SDK1: variants seen among roughly 807,000 people sequenced by gnomAD.
SDK1 encodes the protein protein sidekick-1.
SDK1 carries 157 observed loss-of-function variants against 245.5 expected under a neutral mutation model. The observed-to-expected ratio is 0.64, with a 90% confidence interval of 0.56 to 0.73. SDK1 has a LOEUF of 0.73. Ranked by LOEUF, SDK1 falls within the 30% of genes least tolerant of loss-of-function variation. The pLI is 0.00. For missense variants in SDK1, 3,583 were observed against 3,002.3 expected (o/e 1.19, Z -4.52); for synonymous variants, 1,647 against 1,278.5 (o/e 1.29, Z -6.15).
At chr7:4,003,824 G>A (rs893711953) in intron 14 of SDK1, among the ~76,000 whole-genome samples, 1 of 152,362 alleles carries the variant, frequency 6.6e-6, no homozygotes, top group South Asian at 2.1e-4. Context: ...ACAGTCTGTT[G>A]TGGTGGAGGG....
intron 1 of SDK1, among the ~76,000 whole-genome samples, chr7:3,405,248 G>C (rs567934433): frequency 7.8e-4 from 119 of 152,204 alleles, no homozygotes; most frequent in Middle Eastern, 3.4e-3. Flanking sequence ...ATTGGTGGCT[G>C]TATGAGTACT....
chr7:4,234,712 G>A (rs1482483991), intron 41 of SDK1, among the ~76,000 whole-genome samples: 1 of 152,210 alleles, frequency 6.6e-6, no homozygotes, highest in East Asian at 1.9e-4. Flanking sequence ...ACCCCAGACA[G>A]TGACTTCCGT....
At chr7:4,109,195 G>A (rs2128190031) in intron 22 of SDK1, among the ~76,000 whole-genome samples, 2 of 152,304 alleles carry the variant, frequency 1.3e-5, no homozygotes, top group East Asian at 3.9e-4. Context: ...GGGCGGAGTT[G>A]CTGGCTTATG....
chr7:3,338,361 C>T (rs773067810), intron 1 of SDK1: 2 of 511,670 alleles, frequency 3.9e-6, no homozygotes, highest in African/African-American at 2.0e-5. Context: ...CAAACAAGGT[C>T]AGGGCACGAC....
intron 1 of SDK1, among the ~76,000 whole-genome samples, chr7:3,357,419 G>A (rs903541565): frequency 7.8e-6 from 1 of 127,516 alleles, no homozygotes; most frequent in Non-Finnish European, 1.6e-5. Context: ...GTGCGATCAC[G>A]GCTCACTGCA....
intron 4 of SDK1, among the ~76,000 whole-genome samples, chr7:3,778,492 C>A (rs1312780671): frequency 6.6e-6 from 1 of 152,094 alleles, no homozygotes; most frequent in Non-Finnish European, 1.5e-5. Context: ...GCAAATAGAC[C>A]CAGAGAATGT....
At chr7:3,534,155 G>A (rs6947615) in intron 1 of SDK1, among the ~76,000 whole-genome samples, 36,815 of 152,084 alleles carry the variant, frequency 0.24, 4,675 homozygotes, top group East Asian at 0.33. Context: ...TGCAGTATTT[G>A]TTCTCTTTGA....
intron 8 of SDK1, among the ~76,000 whole-genome samples, chr7:3,960,486 G>A (rs928142795): frequency 2.6e-5 from 4 of 152,338 alleles, no homozygotes; most frequent in Admixed American, 2.0e-4. Context: ...TGAAAATGGT[G>A]TGTCACCCTT....
chr7:3,409,882 A>G (rs970542479), intron 1 of SDK1, among the ~76,000 whole-genome samples: 1 of 152,154 alleles, frequency 6.6e-6, no homozygotes, highest in Non-Finnish European at 1.5e-5. Flanking sequence ...ATGAGCGTAT[A>G]TATTTGATGA....
At chr7:3,571,067 T>C (rs1407382546) in intron 1 of SDK1, among the ~76,000 whole-genome samples, 1 of 152,034 alleles carries the variant, frequency 6.6e-6, no homozygotes, top group Admixed American at 6.6e-5. Flanking sequence ...CGGATCTTCA[T>C]GTTGAGATGT....
intron 5 of SDK1, among the ~76,000 whole-genome samples, chr7:3,940,965 C>G (rs1780345401): frequency 6.6e-6 from 1 of 152,060 alleles, no homozygotes; most frequent in Non-Finnish European, 1.5e-5. Context: ...ACCTGCGCAC[C>G]TGGGTACCCC....
At chr7:3,659,296 T>A (rs1783283059) in intron 4 of SDK1, among the ~76,000 whole-genome samples, 1 of 152,130 alleles carries the variant, frequency 6.6e-6, no homozygotes, top group African/African-American at 2.4e-5. Context: ...TCACATAGGT[T>A]CCTGTTCTCA....
chr7:3,585,309 A>G (rs1477066389), intron 1 of SDK1, among the ~76,000 whole-genome samples: 1 of 152,194 alleles, frequency 6.6e-6, no homozygotes, highest in Non-Finnish European at 1.5e-5. Context: ...GAAATAAAAT[A>G]AGGAGAGGAA....
At chr7:3,573,900 A>G (rs886862249) in intron 1 of SDK1, among the ~76,000 whole-genome samples, 2 of 151,122 alleles carry the variant, frequency 1.3e-5, no homozygotes, top group African/African-American at 4.9e-5. Flanking sequence ...ATTAAGCACT[A>G]TGTTTTGTGT....
At chr7:3,421,962 G>C (rs1021482094) in intron 1 of SDK1, among the ~76,000 whole-genome samples, 8 of 152,132 alleles carry the variant, frequency 5.3e-5, no homozygotes, top group African/African-American at 1.9e-4. Context: ...TTCAGTCCAG[G>C]AGTTGTGAGA....
intron 5 of SDK1, among the ~76,000 whole-genome samples, chr7:3,936,678 G>T (rs753961219): frequency 2.4e-4 from 37 of 152,206 alleles, no homozygotes; most frequent in Non-Finnish European, 4.9e-4. Context: ...CTTAGAAATG[G>T]TTAAGGTGGT....
intron 4 of SDK1, among the ~76,000 whole-genome samples, chr7:3,761,180 A>T (rs1377363475): frequency 6.6e-6 from 1 of 151,518 alleles, no homozygotes. Context: ...GCCAAGTTGC[A>T]TAGAGCTTTT....
chr7:3,945,575 A>G (rs961956916), intron 5 of SDK1, among the ~76,000 whole-genome samples: 4 of 152,142 alleles, frequency 2.6e-5, no homozygotes, highest in African/African-American at 7.2e-5. Flanking sequence ...GGTTACTGAA[A>G]ATAAACATCC....
chr7:3,481,352 G>A (rs1029592386), intron 1 of SDK1, among the ~76,000 whole-genome samples: 1 of 152,152 alleles, frequency 6.6e-6, no homozygotes, highest in South Asian at 2.1e-4. Context: ...TATCATCCTG[G>A]TACAGTTTCG....
Sources: gnomAD v4.1 joint callset for allele counts (sites outside exome capture counted in the v4.1 genomes callset) on GRCh38, gnomAD v4.1.1 for gene constraint, MANE v1.5 for transcripts, NCBI Gene and HGNC (gene_info 2026-07-23, HGNC 2026-07-21) for gene names.